CACNA1C: variants seen among roughly 807,000 people sequenced by gnomAD.
CACNA1C encodes the protein voltage-dependent L-type calcium channel subunit alpha-1C.
In CACNA1C, 30 loss-of-function variants were observed where a neutral mutation model predicts 229.0. The observed-to-expected ratio is 0.13, with a 90% CI of 0.10 to 0.18. The LOEUF (loss-of-function observed/expected upper bound fraction) is 0.18. Among genes scored for constraint, CACNA1C ranks in the 10% least tolerant of loss-of-function variants. CACNA1C has a pLI of 1.00. For synonymous variants in CACNA1C, 1,114 were observed against 1,132.5 expected (o/e 0.98, Z 0.33); for missense variants, 1,658 against 2,845.0 (o/e 0.58, Z 9.49).
At position 2,678,883 on chromosome 12, in the gene CACNA1C, C is replaced by CT. The variant is rs1238503295; in HGVS notation, c.5092-560dup. On this transcript the variant is annotated intron_variant, in intron 41 of 46. Transcript: ENST00000399655. The surrounding 1 kb of genome is among the most constrained non-coding windows in gnomAD (Gnocchi z 4.1). ...AAAGAATACTGGGGAAAAACATTGG[C>CT]TCCTGGTTTTAAATCTCTCTGAGTC... 1.3e-5 allele frequency among the ~76,000 whole-genome samples: 2 copies of CT among 152,352 alleles called. No homozygotes were observed. Among genetic ancestry groups the CT allele is most frequent in the Non-Finnish European group, 2.9e-5 (2 of 68,034 alleles).
rs1308039254 is a variant in CACNA1C, at chr12:2,034,424, T to C, written c.139+63223T>C. On this transcript the variant is annotated intron_variant, in intron 1 of 46. Coordinates refer to the CACNA1C transcript ENST00000682462. The surrounding 1 kb of genome is among the most constrained non-coding windows in gnomAD (Gnocchi z 4.1). ...ATAAAGAACTTGCTCATGGTCAGAG[T>C]TGTCCAGAGATGGGATGAACAAGCC... is the stretch of plus-strand genomic sequence containing the variant. Among the ~76,000 whole-genome samples the C allele has an allele frequency of 2.0e-4, 30 of 152,176 alleles. No homozygotes were observed. The highest frequency in any genetic ancestry group is 2.0e-3 in the Admixed American group (30 of 15,280).
In CACNA1C at chr12:2,512,795, C is replaced by A. The variant is rs775262652; in HGVS notation, c.1218-17C>A. 6.2e-7 allele frequency: 1 copy of A among 1,600,216 alleles called. No individual in the cohort carries two copies. Among genetic ancestry groups the A allele is most frequent in the Non-Finnish European group, 8.5e-7 (1 of 1,172,756 alleles). ...CTCTGTGCTCTCCTGCCCTGCCCCT[C>A]CTCTCACTCTCACCAGAGAGTTTTC... On this transcript the variant is annotated splice_polypyrimidine_tract_variant and intron_variant, in intron 8 of 46. Transcript: ENST00000399655. This position sits in a 1 kb window ranked among gnomAD's most constrained non-coding sequence, Gnocchi z 4.3.
upstream of CACNA1C, chr12:2,052,975 C>T (rs1376297522): frequency 1.0e-6 from 1 of 981,712 alleles, no homozygotes; most frequent in East Asian, 1.1e-4. Flanking sequence ...GCGGCGCTCT[C>T]GCGCGCCCGG....
intron 9 of CACNA1C, among the ~76,000 whole-genome samples, chr12:2,545,773 C>G (rs914979677): frequency 6.6e-6 from 1 of 152,208 alleles, no homozygotes; most frequent in African/African-American, 2.4e-5. Context: ...TGTGATTGTG[C>G]CTTACTTGCC....
At chr12:2,462,632 C>T (rs1309948712) in intron 5 of CACNA1C, among the ~76,000 whole-genome samples, 1 of 152,220 alleles carries the variant, frequency 6.6e-6, no homozygotes, top group South Asian at 2.1e-4. Flanking sequence ...ACGCCCATGG[C>T]GGCTGGCATA....
chr12:2,328,284 C>G (rs540327596), intron 3 of CACNA1C, among the ~76,000 whole-genome samples: 4 of 152,322 alleles, frequency 2.6e-5, no homozygotes, highest in South Asian at 4.1e-4. Context: ...ATACTCAGCT[C>G]CCTTTATTAG....
intron 3 of CACNA1C, among the ~76,000 whole-genome samples, chr12:2,290,964 T>A (rs1363317931): frequency 6.6e-6 from 1 of 152,204 alleles, no homozygotes; most frequent in Non-Finnish European, 1.5e-5. Context: ...CAAAGTGATA[T>A]CAGGGGGTTT....
chr12:2,044,558 T>A (rs1212207823), intron 1 of CACNA1C, among the ~76,000 whole-genome samples: 1 of 152,156 alleles, frequency 6.6e-6, no homozygotes, highest in Non-Finnish European at 1.5e-5. Context: ...TATATGGCAT[T>A]GAGGTTTACC....
chr12:2,517,071 G>A (rs749671187), intron 9 of CACNA1C, among the ~76,000 whole-genome samples: 8 of 152,224 alleles, frequency 5.3e-5, no homozygotes, highest in Non-Finnish European at 7.3e-5. Context: ...GGGTGTGAGC[G>A]TTGCTGCTGT....
intron 34 of CACNA1C, among the ~76,000 whole-genome samples, chr12:2,663,616 G>C (rs2095877018): frequency 6.6e-6 from 1 of 152,222 alleles, no homozygotes; most frequent in Middle Eastern, 3.4e-3. Flanking sequence ...ACGACTGCTT[G>C]GGTGATGGGT....
intron 3 of CACNA1C, among the ~76,000 whole-genome samples, chr12:2,124,639 G>A (rs2089163914): frequency 6.6e-6 from 1 of 152,192 alleles, no homozygotes; most frequent in Non-Finnish European, 1.5e-5. Flanking sequence ...GCTTGCCAGA[G>A]TCCAGATGGT....
intron 9 of CACNA1C, among the ~76,000 whole-genome samples, chr12:2,541,061 CT>C (rs1353996674): frequency 6.6e-6 from 1 of 152,178 alleles, no homozygotes; most frequent in Non-Finnish European, 1.5e-5. Context: ...CCCTCTGTAC[CT>C]GTCAGTGGCC....
intron 1 of CACNA1C, among the ~76,000 whole-genome samples, chr12:2,073,214 A>G (rs763989055): frequency 1.3e-5 from 2 of 152,240 alleles, no homozygotes; most frequent in Non-Finnish European, 2.9e-5. Flanking sequence ...GTGGTCCAAC[A>G]GATCAGCAGC....
chr12:2,559,449 C>T (rs1405274505), intron 11 of CACNA1C, among the ~76,000 whole-genome samples: 2 of 152,174 alleles, frequency 1.3e-5, no homozygotes, highest in Non-Finnish European at 2.9e-5. Context: ...GCCTGTAAAC[C>T]TCTGGAGTCT....
At chr12:2,295,146 G>A (rs977289923) in intron 3 of CACNA1C, among the ~76,000 whole-genome samples, 2 of 152,042 alleles carry the variant, frequency 1.3e-5, no homozygotes, top group Non-Finnish European at 2.9e-5. Context: ...AAACCACCCC[G>A]TGCCCTTCAG....
intron 1 of CACNA1C, among the ~76,000 whole-genome samples, chr12:2,069,080 C>G (rs1384942302): frequency 6.6e-6 from 1 of 152,092 alleles, no homozygotes; most frequent in Non-Finnish European, 1.5e-5. Flanking sequence ...AAGAAAATGA[C>G]CAGAAGAAGA....
At chr12:2,573,080 C>T (rs1465238809) in intron 13 of CACNA1C, among the ~76,000 whole-genome samples, 3 of 151,862 alleles carry the variant, frequency 2.0e-5, no homozygotes, top group African/African-American at 7.3e-5. Context: ...GACAGGATCT[C>T]ACTCTGTCAC....
chr12:2,064,556 G>A (rs1009155522), intron 1 of CACNA1C, among the ~76,000 whole-genome samples: 1 of 152,178 alleles, frequency 6.6e-6, no homozygotes, highest in East Asian at 1.9e-4. Flanking sequence ...GCTTCCCAGG[G>A]CTCTCACCTG....
In CACNA1C at chr12:2,597,967, T is replaced by C. The variant is rs1003322082; in HGVS notation, c.2853+678T>C. On this transcript the variant is annotated intron_variant, in intron 21 of 46. Transcript: ENST00000399655. The surrounding 1 kb of genome is among the most constrained non-coding windows in gnomAD (Gnocchi z 4.3). The stretch of plus-strand genomic sequence containing the variant: ...GCTACTCTCTTTGGATGCCCATCCT[T>C]AGCACCTTCCTCAGTACTTGCAGCA... 5.9e-5 allele frequency among the ~76,000 whole-genome samples: 9 copies of C among 152,242 alleles called. No homozygotes were observed. Among genetic ancestry groups the C allele is most frequent in the African/African-American group, 2.2e-4 (9 of 41,470 alleles).
Sources: gnomAD v4.1 joint callset for allele counts (sites outside exome capture counted in the v4.1 genomes callset) on GRCh38, gnomAD v4.1.1 for gene constraint, Gnocchi (gnomAD v3.1) non-coding constraint, MANE v1.5 for transcripts, NCBI Gene and HGNC (gene_info 2026-07-23, HGNC 2026-07-21) for gene names.